MPP3: variants seen among roughly 807,000 people sequenced by gnomAD.
MPP3 encodes the protein MAGUK p55 scaffold protein 3.
In MPP3, 48 loss-of-function variants were observed where a neutral mutation model predicts 80.7. That is an observed-to-expected ratio of 0.59 (90% CI 0.47 to 0.76). MPP3 has a LOEUF of 0.76. MPP3 is among the 30% of genes least tolerant of loss of function. The pLI, the probability that MPP3 is intolerant of heterozygous loss-of-function variation, is 0.00. For missense variants in MPP3, 620 were observed against 763.0 expected (o/e 0.81, Z 2.21); for synonymous variants, 311 against 297.6 (o/e 1.04, Z -0.46).
At chr17:43,818,915 AAG>A (rs2045287066) in intron 11 of MPP3, 2 of 149,470 alleles carry the variant, frequency 1.3e-5, no homozygotes, top group African/African-American at 5.0e-5. Flanking sequence ...CAGCCTGGGC[AAG>A]AGTGAAACCA....
intron 16 of MPP3, among the ~76,000 whole-genome samples, chr17:43,811,821 G>A (rs1283218224): frequency 3.3e-5 from 5 of 151,962 alleles, no homozygotes; most frequent in Admixed American, 1.3e-4. Flanking sequence ...TCGAACTCCC[G>A]ACCTCAGGTG....
chr17:43,820,590 CA>C (rs58538101), intron 11 of MPP3, among the ~76,000 whole-genome samples: 10,417 of 103,358 alleles, frequency 0.1, 1,505 homozygotes, highest in African/African-American at 0.34. Context: ...GACTCTGTCT[CA>C]AAAAAAAAAA....
chr17:43,816,665 T>A lies in MPP3; in HGVS notation c.967+12A>T. On this transcript the variant is annotated intron_variant, in intron 13 of 19. Coordinates refer to ENST00000398389, the MANE Select transcript of MPP3 (RefSeq NM_001932.6). The stretch of plus-strand genomic sequence containing the variant: ...GCCACGCCTGTGGACAGCGGATAGA[T>A]ACTGGGCCTACCTTTGTCACAAGGC... 6.4e-7 allele frequency: 1 copy of A among 1,572,486 alleles called. No homozygotes were observed. Among genetic ancestry groups the A allele is most frequent in the Non-Finnish European group, 8.6e-7 (1 of 1,158,210 alleles).
chr17:43,810,389 G>A (rs1157574538), intron 18 of MPP3, among the ~76,000 whole-genome samples: 1 of 152,056 alleles, frequency 6.6e-6, no homozygotes, highest in Non-Finnish European at 1.5e-5. Context: ...GCCTCCCTGA[G>A]TGGTTCTCTA....
At chr17:43,813,679 ACT>A (rs747772031) in intron 16 of MPP3, among the ~76,000 whole-genome samples, 9 of 151,868 alleles carry the variant, frequency 5.9e-5, no homozygotes, top group Non-Finnish European at 4.4e-5. Context: ...GTCAAAATTC[ACT>A]GTGATGAGGA....
intron 19 of MPP3, among the ~76,000 whole-genome samples, chr17:43,803,113 T>G (rs1040178584): frequency 6.6e-6 from 1 of 152,164 alleles, no homozygotes; most frequent in African/African-American, 2.4e-5. Context: ...GCTACTTTCA[T>G]ACTCAGAAGC....
intron 7 of MPP3, among the ~76,000 whole-genome samples, chr17:43,828,129 G>A (rs2045802440): frequency 6.6e-6 from 1 of 151,748 alleles, no homozygotes; most frequent in Non-Finnish European, 1.5e-5. Context: ...TTTTTGTGAT[G>A]CCAAATCCAG....
At chr17:43,822,794 C>T (rs2053038450) in intron 10 of MPP3, among the ~76,000 whole-genome samples, 1 of 151,884 alleles carries the variant, frequency 6.6e-6, no homozygotes, top group African/African-American at 2.4e-5. Context: ...TGACTTCCAG[C>T]TGCCAGCACC....
intron 5 of MPP3, among the ~76,000 whole-genome samples, 188 bp downstream of exon 5, chr17:43,831,056 G>A (rs751256385): frequency 1.3e-5 from 2 of 152,202 alleles, no homozygotes; most frequent in African/African-American, 4.8e-5. Flanking sequence ...CAAGGCTCAC[G>A]GGTTCCTCCC....
In MPP3 at chr17:43,831,946, G is replaced by C. The variant is rs563922919; in HGVS notation, c.-37-3C>G. 5.0e-6 allele frequency: 8 copies of C among 1,602,430 alleles called. No individual in the cohort carries two copies. The South Asian group carries it at 8.9e-5, about 18-fold the overall frequency. ...CTCCCGACCTCTCCCTGCAGATTCT[G>C]GGAGAAGGGGGTGGAGGTGGGTATT... On this transcript the variant is annotated splice_region_variant and splice_polypyrimidine_tract_variant and intron_variant, in intron 2 of 19. Transcript: ENST00000398389.
At position 43,810,829 on chromosome 17, in the gene MPP3, C is replaced by T; in HGVS notation, c.1436G>A (p.Cys479Tyr). ...IQAVMAKNKV[C>Y]LVDVEPEALK... ...CACTTCTGGCTCCACATCCACCAAA[C>T]AAACTTTGTTTTTGGCCATAACAGC... The change falls in exon 18 of 20, where the codon TGT becomes TAT. Residue 479 changes from cysteine (C) to tyrosine (Y), a missense_variant. By Grantham distance (194) the Cys-to-Tyr change is radical (BLOSUM62 -2). Coordinates refer to ENST00000398389, the MANE Select transcript of MPP3 (RefSeq NM_001932.6). 1 of 1,608,802 alleles carries T rather than the reference C, an allele frequency of 6.2e-7. No homozygotes were observed. Among genetic ancestry groups the T allele is most frequent in the Non-Finnish European group, 8.5e-7 (1 of 1,178,642 alleles).
At chr17:43,830,400 A>G (rs1232606471) in intron 5 of MPP3, among the ~76,000 whole-genome samples, 1 of 152,146 alleles carries the variant, frequency 6.6e-6, no homozygotes, top group Admixed American at 6.5e-5. Flanking sequence ...TTACTTTGCC[A>G]TTTTACAGAT....
intron 9 of MPP3, 50 bp from the exon 10 acceptor site, chr17:43,824,055 A>G (rs1203184356): frequency 7.3e-7 from 1 of 1,373,862 alleles, no homozygotes; most frequent in Non-Finnish European, 1.0e-6. Context: ...CTAACCCTCC[A>G]AGAGTTCAAC....
intron 8 of MPP3, among the ~76,000 whole-genome samples, chr17:43,827,329 C>CTTT (rs1197926220): frequency 2.0e-4 from 20 of 99,008 alleles, no homozygotes; most frequent in Non-Finnish European, 3.0e-4. Flanking sequence ...TTTTTTTTTT[C>CTTT]TTTTTTTTTT....
intron 8 of MPP3, among the ~76,000 whole-genome samples, chr17:43,827,014 TTC>T (rs755271097): frequency 4.5e-5 from 6 of 132,488 alleles, no homozygotes; most frequent in Non-Finnish European, 9.4e-5. Flanking sequence ...TATTTTCTTT[TTC>T]TTTTTTTCTT....
intron 8 of MPP3, among the ~76,000 whole-genome samples, chr17:43,826,257 G>T (rs1034507218): frequency 3.3e-5 from 5 of 152,140 alleles, no homozygotes; most frequent in Non-Finnish European, 7.3e-5. Context: ...AAAGACAAAG[G>T]CACCAATGAA....
In MPP3 at chr17:43,831,692, G is replaced by A. The variant is rs1555595102; in HGVS notation, c.26-15C>T. 5.0e-6 allele frequency: 8 copies of A among 1,591,298 alleles called. No individual in the cohort carries two copies. The highest frequency in any genetic ancestry group is 6.9e-6 in the Non-Finnish European group (8 of 1,164,812). Reference sequence around the variant, plus strand: ...TTCATGCAAACCTGGGGAGAGGTGAGAAAAACAAAGGATAGCAAACGCAGT... The same window carrying A: ...TTCATGCAAACCTGGGGAGAGGTGAAAAAAACAAAGGATAGCAAACGCAGT... On this transcript the variant is annotated splice_polypyrimidine_tract_variant and intron_variant, in intron 3 of 19. Coordinates refer to ENST00000398389, the MANE Select transcript of MPP3 (RefSeq NM_001932.6).
chr17:43,820,603 A>ACACAC (rs1264169757), intron 11 of MPP3, among the ~76,000 whole-genome samples: 1 of 127,558 alleles, frequency 7.8e-6, no homozygotes, highest in Non-Finnish European at 1.6e-5. Context: ...AAAAAAAAAA[A>ACACAC]ATACACACAC....
rs767583889 is a variant in MPP3, at chr17:43,829,699, C to T, written c.396G>A (p.Glu132=). Reference sequence around the variant, plus strand: ...CCAAGCGGACGATCTTCACCGATTCCTCATCAAAATCCTCATCGATATTGT... The same window carrying T: ...CCAAGCGGACGATCTTCACCGATTCTTCATCAAAATCCTCATCGATATTGT... ...LPDNIDEDFD[E]ESVKIVRLVK... Residue 132 remains glutamate, a synonymous_variant, in exon 7 of 20, where the codon GAG becomes GAA. Transcript: ENST00000398389. 3.8e-5 allele frequency: 62 copies of T among 1,614,028 alleles called. No homozygotes were observed. Among genetic ancestry groups the T allele is most frequent in the Non-Finnish European group, 3.4e-6 (4 of 1,180,042 alleles).
Sources: allele counts gnomAD v4.1 joint callset (sites outside exome capture counted in the v4.1 genomes callset), GRCh38; gene constraint gnomAD v4.1.1; transcripts MANE v1.5; gene names NCBI Gene and HGNC (gene_info 2026-07-23, HGNC 2026-07-21).